The following TRHDE variants were observed in gnomAD, a reference collection of about 807,000 sequenced individuals.
TRHDE encodes the protein thyrotropin-releasing hormone-degrading ectoenzyme.
TRHDE carries 72 observed loss-of-function variants against 125.7 expected under a neutral mutation model. The observed-to-expected ratio is 0.57, with a 90% CI of 0.47 to 0.70. The LOEUF (loss-of-function observed/expected upper bound fraction) is 0.70. Ranked by LOEUF, TRHDE falls within the 30% of genes least tolerant of loss-of-function variation. The pLI, the probability that TRHDE is intolerant of heterozygous loss-of-function variation, is 0.00. For synonymous variants in TRHDE, 509 were observed against 509.1 expected, an observed-to-expected ratio of 1.00 and a Z score of 0.00; for missense variants, 1,110 against 1,327.1, an observed-to-expected ratio of 0.84 and a Z score of 2.54.
At chr12:72,162,060 T>C (rs985075025) in intron 2 of TRHDE, among the ~76,000 whole-genome samples, 3 of 152,196 alleles carry the variant, frequency 2.0e-5, no homozygotes, top group Non-Finnish European at 4.4e-5. Flanking sequence ...CCATCATCCA[T>C]AGGACAGAGA....
chr12:72,185,295 G>C (rs1184405286), intron 2 of TRHDE, among the ~76,000 whole-genome samples: 3 of 152,214 alleles, frequency 2.0e-5, no homozygotes, highest in East Asian at 3.9e-4. Flanking sequence ...GGCAGGGCTG[G>C]GGACCTGCAG....
chr12:72,183,230 C>G, intron 2 of TRHDE, among the ~76,000 whole-genome samples: 1 of 152,030 alleles, frequency 6.6e-6, no homozygotes. Context: ...GTTATGTACC[C>G]GATAATCTTG....
intron 6 of TRHDE, among the ~76,000 whole-genome samples, chr12:72,539,769 A>G (rs1006590021): frequency 6.6e-6 from 1 of 151,894 alleles, no homozygotes; most frequent in Admixed American, 6.6e-5. Context: ...ATATCCTAAT[A>G]TATCCTTGAA....
rs146919860 is a variant in TRHDE at position 72,643,138 on chromosome 12, G to A, written c.2676-9184G>A. ...GCTGCATGGATAAAAAACATGAGGA[G>A]TTGATGGGGTGAGAAGAGGTGCTAT... is the stretch of plus-strand genomic sequence containing the variant. On this transcript the variant is annotated intron_variant, in intron 15 of 18. Transcript: ENST00000261180. 3.8e-4 allele frequency among the ~76,000 whole-genome samples: 58 copies of A among 152,248 alleles called. No homozygotes were observed. The East Asian group carries it at 0.01, about 27-fold the overall frequency.
intron 15 of TRHDE, among the ~76,000 whole-genome samples, chr12:72,626,848 T>TC (rs1873279489): frequency 6.6e-6 from 1 of 151,908 alleles, no homozygotes; most frequent in Non-Finnish European, 1.5e-5. Flanking sequence ...TCCAGAAACC[T>TC]CATGTTTTCT....
chr12:72,351,692 G>A (rs1870589714), intron 2 of TRHDE, among the ~76,000 whole-genome samples: 3 of 151,858 alleles, frequency 2.0e-5, no homozygotes, highest in Admixed American at 6.6e-5. Context: ...TCCATTCTTA[G>A]TGTCTTTCCA....
chr12:72,276,053 A>C (rs2139412453), intron 1 of TRHDE, among the ~76,000 whole-genome samples: 1 of 152,282 alleles, frequency 6.6e-6, no homozygotes, highest in South Asian at 2.1e-4. Flanking sequence ...AAAAGAAATA[A>C]ATCTAATAAA....
rs762515309 is a variant in TRHDE at position 72,597,713 on chromosome 12, GTATATATATATATATATATATA to G, written c.2322-21154_2322-21133del. Among the ~76,000 whole-genome samples the G allele has an allele frequency of 3.1e-3, 58 of 18,484 alleles. 3 individuals carry two copies. Among genetic ancestry groups the G allele is most frequent in the Admixed American group, 8.1e-3 (12 of 1,476 alleles). 12.1% of individuals were successfully genotyped at this position (18,484 alleles called of 152,430 possible). ...GAGGTATATATATGTGTGTGTGTATGTATATATATATATATATATATATATATATATATATATATATATATGC... is the reference window on the plus strand; with the variant it reads ...GAGGTATATATATGTGTGTGTGTATGTATATATATATATATATATATATGC... On this transcript the variant is annotated intron_variant, in intron 12 of 18. Coordinates refer to ENST00000261180, the MANE Select transcript of TRHDE (RefSeq NM_013381.3).
rs561592239 is a variant in TRHDE at position 72,308,476 on chromosome 12, A to G, written c.1188+21522A>G. On this transcript the variant is annotated intron_variant, in intron 2 of 18. Transcript: ENST00000261180. ...TTAACCACTTTAAATAAGTAATCTAATCTAACAAGCATAATAAAAGCTTGT... is the reference window on the plus strand; with the variant it reads ...TTAACCACTTTAAATAAGTAATCTAGTCTAACAAGCATAATAAAAGCTTGT... Among the ~76,000 whole-genome samples, 48 of 152,226 alleles carry G rather than the reference A, an allele frequency of 3.2e-4. No individual in the cohort carries two copies. The South Asian group carries it at 9.5e-3, about 30-fold the overall frequency.
intron 2 of TRHDE, among the ~76,000 whole-genome samples, chr12:72,350,344 T>C (rs59496565): frequency 0.011 from 1,731 of 152,084 alleles, 29 homozygotes; most frequent in African/African-American, 0.04. Context: ...ACAGCAGTAA[T>C]GGCGATGATA....
chr12:72,478,794 T>C (rs1251611432), intron 5 of TRHDE, among the ~76,000 whole-genome samples: 1 of 151,998 alleles, frequency 6.6e-6, no homozygotes, highest in African/African-American at 2.4e-5. Context: ...GCCCCATGCA[T>C]TGAGAATTAA....
At chr12:72,203,468 A>G (rs1281984298) in intron 2 of TRHDE, among the ~76,000 whole-genome samples, 1 of 151,930 alleles carries the variant, frequency 6.6e-6, no homozygotes, top group Non-Finnish European at 1.5e-5. Flanking sequence ...ACTCTGTCTC[A>G]AAAAAAATAA....
At chr12:72,131,065 ATTT>A (rs757285511) in intron 2 of TRHDE, among the ~76,000 whole-genome samples, 291 of 105,440 alleles carry the variant, frequency 2.8e-3, no homozygotes, top group African/African-American at 0.011. Flanking sequence ...ACTTAATGTA[ATTT>A]TTTTTTTTTT....
chr12:72,158,903 G>A (rs987320251), intron 2 of TRHDE, among the ~76,000 whole-genome samples: 3 of 152,108 alleles, frequency 2.0e-5, no homozygotes, highest in Non-Finnish European at 4.4e-5. Context: ...ATTCACACAA[G>A]AGATTGAGAT....
At chr12:72,122,611 CT>C (rs1319673613) in intron 2 of TRHDE, among the ~76,000 whole-genome samples, 1 of 151,582 alleles carries the variant, frequency 6.6e-6, no homozygotes, top group African/African-American at 2.4e-5. Context: ...AAGAAGGTAA[CT>C]TTTTTTTAAA....
rs1284759095 is a variant in TRHDE, at chr12:72,228,615, C to A, written n.279+122863C>A. Among the ~76,000 whole-genome samples the A allele has an allele frequency of 2.0e-5, 3 of 152,156 alleles. No individual in the cohort carries two copies. In the East Asian group the frequency reaches 5.8e-4, roughly 29 times the overall value. On this transcript the variant is annotated intron_variant and non_coding_transcript_variant, in intron 2 of 4. Coordinates refer to the TRHDE transcript ENST00000548156. ...ATTTCTCCTCAGAAAATGAGTTTTTCTTGTCTATTGCATCATCAGGCTGCA... is the reference window on the plus strand; with the variant it reads ...ATTTCTCCTCAGAAAATGAGTTTTTATTGTCTATTGCATCATCAGGCTGCA...
chr12:72,291,841 G>C (rs1880100230), intron 2 of TRHDE, among the ~76,000 whole-genome samples: 1 of 152,188 alleles, frequency 6.6e-6, no homozygotes, highest in African/African-American at 2.4e-5. Context: ...CCTGGAACCA[G>C]TCCCCATAGA....
chr12:72,157,384 T>C (rs953647747), intron 2 of TRHDE, among the ~76,000 whole-genome samples: 2 of 152,196 alleles, frequency 1.3e-5, no homozygotes, highest in Non-Finnish European at 2.9e-5. Flanking sequence ...AAGATCATCT[T>C]AGCTGCTGTG....
intron 2 of TRHDE, among the ~76,000 whole-genome samples, chr12:72,355,324 C>T (rs1039036495): frequency 6.6e-6 from 1 of 151,488 alleles, no homozygotes; most frequent in African/African-American, 2.4e-5. Flanking sequence ...CAAGATTAAA[C>T]AAAGAGTGCA....
Sources: allele counts gnomAD v4.1 joint callset (sites outside exome capture counted in the v4.1 genomes callset), GRCh38; gene constraint gnomAD v4.1.1; transcripts MANE v1.5; gene names NCBI Gene and HGNC (gene_info 2026-07-23, HGNC 2026-07-21).